The following NEGR1 variants were observed in gnomAD, a reference collection of about 807,000 sequenced individuals.
NEGR1 encodes IgLON family member 4.
Under a neutral mutation model 40.9 loss-of-function variants are expected in NEGR1, and 10 were observed. The observed-to-expected ratio is 0.24, with a 90% CI of 0.15 to 0.42. The LOEUF (loss-of-function observed/expected upper bound fraction) is 0.42, where lower values mean the gene tolerates loss of function less well. NEGR1 is among the 10% of genes least tolerant of loss of function. NEGR1 has a pLI of 1.00. For synonymous variants in NEGR1, 185 were observed against 166.8 expected (o/e 1.11, Z -0.84); for missense variants, 352 against 438.9 (o/e 0.80, Z 1.77).
intron 1 of NEGR1, among the ~76,000 whole-genome samples, chr1:72,112,610 G>A (rs989021676): frequency 7.3e-5 from 11 of 151,442 alleles, no homozygotes; most frequent in Non-Finnish European, 1.3e-4. Flanking sequence ...AATAAACCAT[G>A]GATCTTGGTC....
intron 1 of NEGR1, among the ~76,000 whole-genome samples, chr1:72,077,510 C>G (rs1221155721): frequency 6.6e-6 from 1 of 151,994 alleles, no homozygotes; most frequent in Non-Finnish European, 1.5e-5. Flanking sequence ...TGTATTTTTG[C>G]TGGGTGCAGT....
chr1:71,435,693 A>G (rs1646504560), intron 6 of NEGR1, among the ~76,000 whole-genome samples: 1 of 152,210 alleles, frequency 6.6e-6, no homozygotes, highest in Admixed American at 6.5e-5. Context: ...TGAGCCTTGA[A>G]GGGCAAAGAT....
At chr1:72,199,708 G>T (rs368785186) in intron 1 of NEGR1, among the ~76,000 whole-genome samples, 4 of 151,866 alleles carry the variant, frequency 2.6e-5, no homozygotes, top group Non-Finnish European at 5.9e-5. Flanking sequence ...CTAGCTCAGA[G>T]ACCTACTGCA....
chr1:71,917,703 C>A (rs1329048985), intron 2 of NEGR1, among the ~76,000 whole-genome samples: 1 of 150,876 alleles, frequency 6.6e-6, no homozygotes, highest in Non-Finnish European at 1.5e-5. Context: ...TGGCGTGAAC[C>A]CGGGAGGCGG....
chr1:71,768,433 T>C lies in NEGR1; in HGVS notation c.535+7739A>G, dbSNP rs143022375. Among the ~76,000 whole-genome samples the C allele has an allele frequency of 3.2e-3, 485 of 152,156 alleles. 4 individuals carry two copies. The highest frequency in any genetic ancestry group is 0.011 in the African/African-American group (472 of 41,426). ...GTTTCAGAAATGCATAGGGCCTGTA[T>C]CCTTCCAATTTTTTTTGTTTTTGGC... On this transcript the variant is annotated intron_variant, in intron 3 of 6. Transcript: ENST00000357731.
intron 1 of NEGR1, among the ~76,000 whole-genome samples, chr1:72,269,421 A>AT (rs1355090257): frequency 2.0e-5 from 3 of 151,590 alleles, no homozygotes; most frequent in Non-Finnish European, 3.0e-5. Context: ...GGAACTACTG[A>AT]TTTTCATTTC....
At chr1:71,577,948 C>T (rs778858932) in intron 6 of NEGR1, among the ~76,000 whole-genome samples, 2 of 152,062 alleles carry the variant, frequency 1.3e-5, no homozygotes, top group Non-Finnish European at 2.9e-5. Flanking sequence ...TCTCTCTGAA[C>T]TCCTGAAGTC....
chr1:71,794,540 T>G (rs1657247518), intron 2 of NEGR1: 1 of 151,646 alleles, frequency 6.6e-6, no homozygotes, highest in Admixed American at 6.6e-5. Flanking sequence ...GTCTACCCTG[T>G]GGGGAAAAAA....
chr1:71,667,722 C>A (rs1557605653), intron 4 of NEGR1, among the ~76,000 whole-genome samples: 1 of 152,120 alleles, frequency 6.6e-6, no homozygotes, highest in Non-Finnish European at 1.5e-5. Flanking sequence ...AGCAAAATTT[C>A]TAAAGGCACA....
intron 6 of NEGR1, among the ~76,000 whole-genome samples, chr1:71,431,524 AT>A (rs1198572625): frequency 1.5e-5 from 2 of 131,190 alleles, no homozygotes; most frequent in African/African-American, 5.5e-5. Context: ...TTATTTATTT[AT>A]TTATCCAATC....
intron 4 of NEGR1, among the ~76,000 whole-genome samples, chr1:71,663,035 C>A (rs1652119682): frequency 6.6e-6 from 1 of 152,098 alleles, no homozygotes; most frequent in East Asian, 1.9e-4. Flanking sequence ...CGGCTCACTG[C>A]AAGCTCCGTC....
chr1:71,793,724 G>A (rs914079724), intron 2 of NEGR1, among the ~76,000 whole-genome samples: 5 of 152,020 alleles, frequency 3.3e-5, no homozygotes, highest in African/African-American at 1.2e-4. Context: ...CTAAGCAAGT[G>A]TTCTTATGTT....
intron 3 of NEGR1, among the ~76,000 whole-genome samples, chr1:71,772,282 C>A (rs537870032): frequency 6.6e-6 from 1 of 151,998 alleles, no homozygotes; most frequent in South Asian, 2.1e-4. Context: ...CGCACGCTTG[C>A]GATCCCAGCT....
chr1:71,850,129 C>T (rs980628757), intron 2 of NEGR1, among the ~76,000 whole-genome samples: 4 of 138,096 alleles, frequency 2.9e-5, no homozygotes, highest in African/African-American at 7.9e-5. Context: ...TTATAATCTA[C>T]TGTCTTTTTT....
intron 4 of NEGR1, among the ~76,000 whole-genome samples, chr1:71,615,206 C>G (rs1650408903): frequency 6.6e-6 from 1 of 151,664 alleles, no homozygotes; most frequent in African/African-American, 2.4e-5. Context: ...ATAACTTGTT[C>G]AAAAAGAAAA....
intron 1 of NEGR1, among the ~76,000 whole-genome samples, chr1:71,982,365 C>T (rs1213148005): frequency 1.4e-5 from 2 of 144,750 alleles, no homozygotes; most frequent in Non-Finnish European, 3.0e-5. Flanking sequence ...GGTTAGCTCT[C>T]TTTGGTCTAA....
chr1:72,142,649 T>C (rs1009969850), intron 1 of NEGR1, among the ~76,000 whole-genome samples: 1 of 151,938 alleles, frequency 6.6e-6, no homozygotes, highest in Non-Finnish European at 1.5e-5. Flanking sequence ...AAATAACCAA[T>C]TTGATAATAT....
chr1:71,579,969 A>T (rs1570059279), intron 6 of NEGR1, among the ~76,000 whole-genome samples: 1 of 152,208 alleles, frequency 6.6e-6, no homozygotes, highest in Non-Finnish European at 1.5e-5. Context: ...TTTGTGTTGC[A>T]GCAAATTTAA....
At chr1:71,937,122 G>A (rs1645913278) in intron 1 of NEGR1, among the ~76,000 whole-genome samples, 1 of 152,126 alleles carries the variant, frequency 6.6e-6, no homozygotes, top group South Asian at 2.1e-4. Context: ...GAAAAAGTAA[G>A]GAACAAGGTA....
Sources: gnomAD v4.1 joint callset for allele counts (sites outside exome capture counted in the v4.1 genomes callset) on GRCh38, gnomAD v4.1.1 for gene constraint, MANE v1.5 for transcripts, NCBI Gene and HGNC (gene_info 2026-07-23, HGNC 2026-07-21) for gene names.